The following CNTN4 variants were observed in gnomAD, a reference collection of about 807,000 sequenced individuals.
The protein encoded by CNTN4 is contactin-4.
CNTN4 carries 77 observed loss-of-function variants against 122.5 expected under a neutral mutation model. The observed-to-expected ratio is 0.63, with a 90% CI of 0.52 to 0.76. The LOEUF (loss-of-function observed/expected upper bound fraction) is 0.76, where lower values mean the gene tolerates loss of function less well. Ranked by LOEUF, CNTN4 falls within the 30% of genes least tolerant of loss-of-function variation. CNTN4 has a pLI of 0.00. For synonymous variants in CNTN4, 512 were observed against 447.0 expected (o/e 1.15, Z -1.83); for missense variants, 1,256 against 1,259.1 (o/e 1.00, Z 0.04).
chr3:2,550,076 T>C (rs1349812218), intron 3 of CNTN4, among the ~76,000 whole-genome samples: 2 of 152,166 alleles, frequency 1.3e-5, no homozygotes. Context: ...TGTGCCTATT[T>C]GATTCTTCTC....
rs79776028 is a variant in CNTN4 at position 2,440,548 on chromosome 3, A to G, written c.-89+101315A>G. 3.7e-3 allele frequency among the ~76,000 whole-genome samples: 567 copies of G among 152,106 alleles called. 4 individuals are homozygous for G. The highest frequency in any genetic ancestry group is 0.013 in the African/African-American group (554 of 41,506). Reference sequence around the variant, plus strand: ...TGTGCGTGTTGTGCTAAAGCTTCCAACTGATGTCGTGTGAGTGTATTTGAG... The same window carrying G: ...TGTGCGTGTTGTGCTAAAGCTTCCAGCTGATGTCGTGTGAGTGTATTTGAG... On this transcript the variant is annotated intron_variant, in intron 3 of 24. Transcript: ENST00000418658.
chr3:2,520,036 A>G (rs2077154497), intron 3 of CNTN4, among the ~76,000 whole-genome samples: 1 of 152,110 alleles, frequency 6.6e-6, no homozygotes, highest in Non-Finnish European at 1.5e-5. Flanking sequence ...TTGTCAGTTT[A>G]TAAGGATCAG....
intron 4 of CNTN4, among the ~76,000 whole-genome samples, chr3:2,621,812 A>C (rs756908813): frequency 1.3e-5 from 2 of 151,904 alleles, no homozygotes; most frequent in South Asian, 4.2e-4. Flanking sequence ...AATTTGTGAG[A>C]CTCTCAAGCA....
At position 2,709,093 on chromosome 3, in the gene CNTN4, C is replaced by T. The variant is rs763251346; in HGVS notation, c.56-27122C>T. ...CTGCTGCCACTGAATTTCATTTAGACCTCGGTGGCTGAGTTTTTAAGCTAG... is the reference window on the plus strand; with the variant it reads ...CTGCTGCCACTGAATTTCATTTAGATCTCGGTGGCTGAGTTTTTAAGCTAG... On this transcript the variant is annotated intron_variant, in intron 4 of 24. Transcript: ENST00000418658. This position sits in a 1 kb window ranked among gnomAD's most constrained non-coding sequence, Gnocchi z 5.0. 2.0e-5 allele frequency among the ~76,000 whole-genome samples: 3 copies of T among 152,074 alleles called. No homozygotes were observed. Among genetic ancestry groups the T allele is most frequent in the African/African-American group, 7.2e-5 (3 of 41,388 alleles).
chr3:2,554,377 A>G (rs555958273), intron 3 of CNTN4, among the ~76,000 whole-genome samples: 1 of 152,020 alleles, frequency 6.6e-6, no homozygotes, highest in African/African-American at 2.4e-5. Flanking sequence ...CTTAGTCCAC[A>G]TTTCACTTTA....
chr3:2,372,219 A>G (rs2045657836), intron 3 of CNTN4, among the ~76,000 whole-genome samples: 1 of 152,148 alleles, frequency 6.6e-6, no homozygotes, highest in African/African-American at 2.4e-5. Flanking sequence ...ATTTTTATTG[A>G]GGACATATGC....
intron 3 of CNTN4, among the ~76,000 whole-genome samples, chr3:2,549,268 G>A (rs973189569): frequency 6.6e-6 from 1 of 152,098 alleles, no homozygotes; most frequent in Non-Finnish European, 1.5e-5. Flanking sequence ...AGGCATCCTT[G>A]TCTTGTGCTG....
intron 2 of CNTN4, among the ~76,000 whole-genome samples, chr3:2,334,453 C>T (rs925263571): frequency 2.6e-5 from 4 of 152,188 alleles, no homozygotes; most frequent in Non-Finnish European, 5.9e-5. Context: ...GCCACGGCAC[C>T]TGGCCCATTT....
At chr3:2,801,911 A>C (rs1420825529) in intron 6 of CNTN4, among the ~76,000 whole-genome samples, 1 of 152,152 alleles carries the variant, frequency 6.6e-6, no homozygotes, top group Non-Finnish European at 1.5e-5. Context: ...GCTTACTGAG[A>C]TGTTTTCTTA....
intron 2 of CNTN4, among the ~76,000 whole-genome samples, chr3:2,140,314 T>C (rs1174289779): frequency 6.6e-6 from 1 of 152,232 alleles, no homozygotes; most frequent in East Asian, 1.9e-4. Flanking sequence ...TTTCATTTTA[T>C]ATGATTAACA....
At chr3:2,446,585 C>T (rs1451643969) in intron 3 of CNTN4, among the ~76,000 whole-genome samples, 1 of 152,094 alleles carries the variant, frequency 6.6e-6, no homozygotes, top group Non-Finnish European at 1.5e-5. Flanking sequence ...TCATTTATAC[C>T]TTCACCCTCA....
chr3:2,637,687 T>A (rs541225205), intron 4 of CNTN4, among the ~76,000 whole-genome samples: 1 of 152,170 alleles, frequency 6.6e-6, no homozygotes, highest in East Asian at 1.9e-4. Flanking sequence ...TCAACTCCTA[T>A]AAATCCTATA....
chr3:2,485,869 A>G (rs1384031182), intron 3 of CNTN4, among the ~76,000 whole-genome samples: 1 of 152,068 alleles, frequency 6.6e-6, no homozygotes, highest in Non-Finnish European at 1.5e-5. Context: ...AGCTCTCTGT[A>G]AAATGGACCA....
In CNTN4 at chr3:2,620,231, G is replaced by T. The variant is rs565107142; in HGVS notation, c.55+48673G>T. On this transcript the variant is annotated intron_variant, in intron 4 of 24. Coordinates refer to ENST00000418658, the MANE Select transcript of CNTN4 (RefSeq NM_175607.3). ...GATAGGCATTCAGGCTGGAGGCAGG[G>T]GCTCACACCTGTAATCTCAGCACTT... is the stretch of plus-strand genomic sequence containing the variant. Among the ~76,000 whole-genome samples, 18 of 152,280 alleles carry T rather than the reference G, an allele frequency of 1.2e-4. No individual in the cohort carries two copies. In the East Asian group the frequency reaches 3.5e-3, roughly 29 times the overall value.
intron 2 of CNTN4, among the ~76,000 whole-genome samples, chr3:2,222,222 A>G (rs2039088496): frequency 6.6e-6 from 1 of 152,224 alleles, no homozygotes; most frequent in Non-Finnish European, 1.5e-5. Flanking sequence ...TTCAGCAATG[A>G]AGAGGAATAC....
At chr3:2,971,903 A>G (rs1416485677) in intron 13 of CNTN4, among the ~76,000 whole-genome samples, 1 of 152,170 alleles carries the variant, frequency 6.6e-6, no homozygotes, top group African/African-American at 2.4e-5. Flanking sequence ...ACATTTTCGG[A>G]AGTGCACTTT....
intron 4 of CNTN4, among the ~76,000 whole-genome samples, chr3:2,615,699 A>G (rs2081693896): frequency 6.6e-6 from 1 of 152,150 alleles, no homozygotes; most frequent in African/African-American, 2.4e-5. Flanking sequence ...TTGTGCAATT[A>G]TTTCCAGAGT....
intron 8 of CNTN4, among the ~76,000 whole-genome samples, chr3:2,875,206 C>A (rs1460537468): frequency 1.3e-5 from 2 of 152,150 alleles, no homozygotes; most frequent in African/African-American, 2.4e-5. Context: ...TGGTCTCGAA[C>A]TTCTGACCTC....
intron 13 of CNTN4, among the ~76,000 whole-genome samples, chr3:2,948,604 T>A (rs1281754055): frequency 6.6e-6 from 1 of 152,214 alleles, no homozygotes; most frequent in Non-Finnish European, 1.5e-5. Context: ...TCTGTCTTTT[T>A]TCTTCTCTTG....
Sources: gnomAD v4.1 joint callset for allele counts (sites outside exome capture counted in the v4.1 genomes callset) on GRCh38, gnomAD v4.1.1 for gene constraint, Gnocchi (gnomAD v3.1) non-coding constraint, MANE v1.5 for transcripts, NCBI Gene and HGNC (gene_info 2026-07-23, HGNC 2026-07-21) for gene names.